The following ADGRL2 variants were observed in gnomAD, a reference collection of about 807,000 sequenced individuals.
The protein encoded by ADGRL2 is calcium-independent alpha-latrotoxin receptor 2.
In ADGRL2, 44 loss-of-function variants were observed where a neutral mutation model predicts 157.4. That is an observed-to-expected ratio of 0.28 (90% CI 0.22 to 0.36). ADGRL2 has a LOEUF of 0.36. Ranked by LOEUF, ADGRL2 falls within the 10% of genes least tolerant of loss-of-function variation. The pLI, the probability that ADGRL2 is intolerant of heterozygous loss-of-function variation, is 1.00. For synonymous variants in ADGRL2, 585 were observed against 624.7 expected (o/e 0.94, Z 0.95); for missense variants, 1,510 against 1,768.9 (o/e 0.85, Z 2.63).
intron 2 of ADGRL2, among the ~76,000 whole-genome samples, chr1:81,495,622 T>C (rs1219156569): frequency 6.6e-6 from 1 of 152,144 alleles, no homozygotes; most frequent in Admixed American, 6.6e-5. Flanking sequence ...TTCTCTCTCT[T>C]AATTGATGAG....
At chr1:81,404,376 T>G (rs1240175659) in intron 1 of ADGRL2, among the ~76,000 whole-genome samples, 1 of 152,232 alleles carries the variant, frequency 6.6e-6, no homozygotes, top group Non-Finnish European at 1.5e-5. Context: ...GCGTTTAGTA[T>G]GTCCCAGATA....
In ADGRL2 at chr1:81,943,923, G is replaced by A. The variant is rs954536025; in HGVS notation, c.1210+154G>A. On this transcript the variant is annotated intron_variant, in intron 6 of 23. Transcript: ENST00000686636. The surrounding 1 kb of genome is among the most constrained non-coding windows in gnomAD (Gnocchi z 5.6). ...GTACATTTTAGCCTTATTATGGTTCGTTTTCTTTTTCTCAATTTCTTCATT... is the reference window on the plus strand; with the variant it reads ...GTACATTTTAGCCTTATTATGGTTCATTTTCTTTTTCTCAATTTCTTCATT... 6.6e-6 allele frequency among the ~76,000 whole-genome samples: 1 copy of A among 151,818 alleles called. No individual in the cohort carries two copies. Among genetic ancestry groups the A allele is most frequent in the African/African-American group, 2.4e-5 (1 of 41,358 alleles).
At chr1:81,801,791 C>G (rs2088199268) in intron 1 of ADGRL2, among the ~76,000 whole-genome samples, 1 of 152,188 alleles carries the variant, frequency 6.6e-6, no homozygotes, top group Non-Finnish European at 1.5e-5. Flanking sequence ...GGCGCCCTCC[C>G]GCCCGTCGCT....
At chr1:81,332,554 A>G (rs1271491422) in intron 1 of ADGRL2, among the ~76,000 whole-genome samples, 1 of 152,162 alleles carries the variant, frequency 6.6e-6, no homozygotes, top group East Asian at 1.9e-4. Flanking sequence ...CCTCATGGAA[A>G]TACAATTTAA....
intron 1 of ADGRL2, among the ~76,000 whole-genome samples, chr1:81,365,791 C>T (rs1021732936): frequency 1.3e-5 from 2 of 152,136 alleles, no homozygotes; most frequent in African/African-American, 4.8e-5. Context: ...ACACTGGGTC[C>T]TTCATCCTTG....
At chr1:81,804,494 G>A (rs2149530807) in intron 1 of ADGRL2, among the ~76,000 whole-genome samples, 1 of 152,322 alleles carries the variant, frequency 6.6e-6, no homozygotes, top group Non-Finnish European at 1.5e-5. Context: ...CTTCCAAGCG[G>A]AGGCCCAAAG....
intron 1 of ADGRL2, among the ~76,000 whole-genome samples, chr1:81,387,540 T>TA (rs1288472269): frequency 6.6e-6 from 1 of 152,182 alleles, no homozygotes; most frequent in East Asian, 1.9e-4. Flanking sequence ...TAAGTACTGT[T>TA]ATTGTCCTCT....
chr1:81,620,139 C>A (rs1299491810), intron 3 of ADGRL2, among the ~76,000 whole-genome samples: 1 of 152,128 alleles, frequency 6.6e-6, no homozygotes, highest in Non-Finnish European at 1.5e-5. Context: ...AAATGTTTTG[C>A]ACCATAGAAG....
intron 2 of ADGRL2, among the ~76,000 whole-genome samples, chr1:81,530,750 C>T (rs1186396177): frequency 6.6e-6 from 1 of 152,038 alleles, no homozygotes. Context: ...ATTTTTAGTA[C>T]ATAGGATGAG....
At chr1:81,487,908 A>G (rs1304185830) in intron 2 of ADGRL2, among the ~76,000 whole-genome samples, 7 of 152,114 alleles carry the variant, frequency 4.6e-5, no homozygotes, top group Non-Finnish European at 8.8e-5. Flanking sequence ...TACACATAGT[A>G]ATATATTCAA....
chr1:81,531,373 T>A (rs1340668017), intron 2 of ADGRL2, among the ~76,000 whole-genome samples: 1 of 152,200 alleles, frequency 6.6e-6, no homozygotes, highest in African/African-American at 2.4e-5. Context: ...AGAAATTATA[T>A]AACTGATAGA....
At position 81,968,038 on chromosome 1, in the gene ADGRL2, T is replaced by A. The variant is rs1306974327; in HGVS notation, c.2362T>A (p.Phe788Ile). The change falls in exon 14 of 24, where the codon TTC becomes ATC. Residue 788 changes from phenylalanine (F) to isoleucine (I), a missense_variant. Coordinates refer to ENST00000686636, the MANE Select transcript of ADGRL2 (RefSeq NM_001366006.2). ...TLPHIDPDNY[F>I]NANCSFWNYS... ...TTTTATTTCCCAGCCTGACAATTATTTCAATGCAAACTGCTCCTTCTGGAA... is the reference window on the plus strand; with the variant it reads ...TTTTATTTCCCAGCCTGACAATTATATCAATGCAAACTGCTCCTTCTGGAA... 1 of 1,613,730 alleles carries A rather than the reference T, an allele frequency of 6.2e-7. No individual in the cohort carries two copies. Among genetic ancestry groups the A allele is most frequent in the Non-Finnish European group, 8.5e-7 (1 of 1,179,756 alleles).
intron 3 of ADGRL2, among the ~76,000 whole-genome samples, chr1:81,598,838 G>A (rs190102055): frequency 1.8e-3 from 275 of 152,272 alleles, no homozygotes; most frequent in Non-Finnish European, 2.6e-3. Context: ...ACCAGAATGG[G>A]GCTTTATGCA....
At chr1:81,963,753 T>C (rs1224466651) in intron 11 of ADGRL2, among the ~76,000 whole-genome samples, 1 of 151,498 alleles carries the variant, frequency 6.6e-6, no homozygotes, top group Non-Finnish European at 1.5e-5. Flanking sequence ...CAGGATATTA[T>C]AAAATGTGTG....
chr1:81,347,941 T>G (rs1662596707), intron 1 of ADGRL2, among the ~76,000 whole-genome samples: 1 of 152,166 alleles, frequency 6.6e-6, no homozygotes, highest in East Asian at 1.9e-4. Context: ...GCTGGGAATG[T>G]GCATTTCCCA....
intron 17 of ADGRL2, among the ~76,000 whole-genome samples, chr1:81,974,726 G>A (rs2149370169): frequency 6.6e-6 from 1 of 151,940 alleles, no homozygotes; most frequent in Admixed American, 6.6e-5. Flanking sequence ...AATTGAGCAG[G>A]TTGATGACCA....
chr1:81,402,267 G>A (rs762490536), intron 1 of ADGRL2, among the ~76,000 whole-genome samples: 38 of 152,256 alleles, frequency 2.5e-4, no homozygotes, highest in South Asian at 8.3e-4. Context: ...GGGAAATTGA[G>A]GTCAGGAGGG....
chr1:81,378,219 C>T (rs147944670), intron 1 of ADGRL2, among the ~76,000 whole-genome samples: 1 of 151,746 alleles, frequency 6.6e-6, no homozygotes, highest in Non-Finnish European at 1.5e-5. Context: ...ACAATACCTA[C>T]ATGTATTGCA....
intron 2 of ADGRL2, among the ~76,000 whole-genome samples, chr1:81,554,609 G>A (rs6665655): frequency 1.3e-5 from 2 of 152,106 alleles, no homozygotes; most frequent in South Asian, 4.2e-4. Flanking sequence ...ACTAATAACC[G>A]CTTTGCAAGA....
Sources: gnomAD v4.1 joint callset for allele counts (sites outside exome capture counted in the v4.1 genomes callset) on GRCh38, gnomAD v4.1.1 for gene constraint, Gnocchi (gnomAD v3.1) non-coding constraint, MANE v1.5 for transcripts, NCBI Gene and HGNC (gene_info 2026-07-23, HGNC 2026-07-21) for gene names.